The following RUFY1 variants were observed in gnomAD, a reference collection of about 807,000 sequenced individuals.
RUFY1 encodes the protein RUN and FYVE domain containing 1.
RUFY1 carries 54 observed loss-of-function variants against 94.6 expected under a neutral mutation model. The ratio of observed to expected loss-of-function variants is 0.57; its 90% confidence interval spans 0.46 to 0.72. The LOEUF (loss-of-function observed/expected upper bound fraction) is 0.72. Among genes scored for constraint, RUFY1 ranks in the 30% least tolerant of loss-of-function variants. The pLI is 0.00. For missense variants in RUFY1, 883 were observed against 883.9 expected (o/e 1.00, Z 0.01); for synonymous variants, 396 against 347.3 (o/e 1.14, Z -1.56).
chr5:179,559,822 G>T, intron 1 of RUFY1: 2 of 1,334,990 alleles, frequency 1.5e-6, no homozygotes, highest in Non-Finnish European at 1.9e-6. Flanking sequence ...CTGACCCAAG[G>T]CCCCGCCGTC....
chr5:179,599,138 C>T (rs777787559), intron 14 of RUFY1: 23 of 280,754 alleles, frequency 8.2e-5, no homozygotes, highest in African/African-American at 1.3e-4. Flanking sequence ...CCCTGCAAAG[C>T]ACCTCTTGGG....
intron 8 of RUFY1, among the ~76,000 whole-genome samples, chr5:179,587,234 T>C (rs1764677840): frequency 2.0e-5 from 3 of 152,028 alleles, no homozygotes; most frequent in Admixed American, 6.6e-5. Context: ...TTTAACTCTT[T>C]GTAGAGACGG....
At chr5:179,570,709 G>T (rs935218046) in intron 5 of RUFY1, among the ~76,000 whole-genome samples, 1 of 151,834 alleles carries the variant, frequency 6.6e-6, no homozygotes. Context: ...CCTGCATTGT[G>T]TTTGGTGAAT....
intron 1 of RUFY1, among the ~76,000 whole-genome samples, chr5:179,558,691 C>T (rs1049833975): frequency 4.6e-5 from 7 of 152,148 alleles, no homozygotes; most frequent in African/African-American, 1.4e-4. Flanking sequence ...AGCTCTCCCC[C>T]TACCTTCTTG....
intron 8 of RUFY1, among the ~76,000 whole-genome samples, chr5:179,588,489 C>T (rs1014665050): frequency 1.1e-4 from 16 of 152,138 alleles, no homozygotes; most frequent in African/African-American, 3.6e-4. Context: ...TATGCTTTTC[C>T]CTCAGCCATG....
chr5:179,577,417 G>C (rs976711870), intron 6 of RUFY1, among the ~76,000 whole-genome samples: 16 of 151,180 alleles, frequency 1.1e-4, no homozygotes, highest in Non-Finnish European at 1.9e-4. Context: ...GGCCCGTCTC[G>C]GCCTCCCAAA....
intron 4 of RUFY1, 28 bp downstream of exon 4, chr5:179,567,590 T>C: frequency 6.6e-7 from 1 of 1,510,138 alleles, no homozygotes; most frequent in East Asian, 2.3e-5. Flanking sequence ...TTTGCTTATC[T>C]TTTGCTTGGT....
At chr5:179,599,462 G>C (rs1766083376) in intron 14 of RUFY1, 1 of 152,542 alleles carries the variant, frequency 6.6e-6, no homozygotes, top group South Asian at 2.1e-4. Flanking sequence ...ACCGACCCCA[G>C]CCCTCCACTT....
chr5:179,580,241 G>GTGTGTGTGTGTGTATATATATATATA (rs149099074), intron 6 of RUFY1, among the ~76,000 whole-genome samples: 1 of 93,852 alleles, frequency 1.1e-5, no homozygotes, highest in Admixed American at 1.1e-4. Flanking sequence ...GTGTGTGTGT[G>GTGTGTGTGTGTGTATATATATATATA]TATATTTTTT....
At chr5:179,605,835 T>A (rs754802679) in intron 15 of RUFY1, 41 bp from the exon 16 acceptor site, 3 of 1,365,876 alleles carry the variant, frequency 2.2e-6, no homozygotes, top group South Asian at 2.3e-5. Context: ...AGAGCCTCAC[T>A]CTCTCTCACT....
In RUFY1 at chr5:179,596,877, C is replaced by T. The variant is rs140779694; in HGVS notation, c.1631+196C>T. 621 of 642,636 alleles carry T rather than the reference C, an allele frequency of 9.7e-4. 4 individuals are homozygous for T. The African/African-American group carries it at 0.011, about 11-fold the overall frequency. 39.8% of individuals were successfully genotyped at this position (642,636 alleles called of 1,614,324 possible). A position where few individuals can be genotyped will look rare whatever the true frequency, so the allele number is the denominator to read the frequency against. On this transcript the variant is annotated intron_variant, in intron 13 of 17. Transcript: ENST00000319449. Reference sequence around the variant, plus strand: ...AGCTCCCTCCCCACAGGGCTCCTCACGTGGTCCAGCTCGCCTCCAGAAGAT... The same window carrying T: ...AGCTCCCTCCCCACAGGGCTCCTCATGTGGTCCAGCTCGCCTCCAGAAGAT...
intron 12 of RUFY1, 92 bp from the exon 13 acceptor site, chr5:179,596,470 T>G: frequency 2.0e-6 from 3 of 1,471,536 alleles, no homozygotes; most frequent in Admixed American, 1.7e-5. Context: ...TTTTACTGTA[T>G]GGTAATTTTA....
At chr5:179,573,138 T>A (rs1561999084) in intron 5 of RUFY1, among the ~76,000 whole-genome samples, 3 of 152,236 alleles carry the variant, frequency 2.0e-5, no homozygotes, top group African/African-American at 7.2e-5. Flanking sequence ...AGTGACACAT[T>A]CTTTTAATGA....
chr5:179,591,703 G>C lies in RUFY1; in HGVS notation c.1207G>C (p.Val403Leu), dbSNP rs780319201. ...RQGLDEMYSD[V>L]WKQLKEEKKV... ...AGGTCTGGATGAAATGTACAGTGAT[G>C]TGTGGAAGCAGCTAAAAGAGGAGAA... is the stretch of plus-strand genomic sequence containing the variant. The change falls in exon 10 of 18, where the codon GTG (valine) becomes CTG (leucine). Residue 403 changes from valine (V) to leucine (L), a missense_variant. By Grantham distance (32) the Val-to-Leu change is conservative. Coordinates refer to ENST00000319449, the MANE Select transcript of RUFY1 (RefSeq NM_025158.5). The C allele has an allele frequency of 5.0e-6, 8 of 1,611,394 alleles. No homozygotes were observed. In the African/African-American group the frequency reaches 9.4e-5, roughly 19 times the overall value.
intron 3 of RUFY1, among the ~76,000 whole-genome samples, chr5:179,563,295 A>G (rs949533018): frequency 1.3e-5 from 2 of 152,162 alleles, no homozygotes; most frequent in Non-Finnish European, 2.9e-5. Flanking sequence ...GATAATAATA[A>G]TAATAGCCAC....
chr5:179,608,237 C>T, intron 17 of RUFY1: 1 of 962,044 alleles, frequency 1.0e-6, no homozygotes, highest in Middle Eastern at 5.3e-4. Flanking sequence ...ACTGCCAGCG[C>T]CACCCACCTT....
rs1005404299 is a variant in RUFY1, at chr5:179,555,309, G to T, written c.310+4430G>T. The stretch of plus-strand genomic sequence containing the variant: ...GGCAATTTATTTGGCAATTCAGTAG[G>T]TGTAGAACTTCACGATATTCTCTGT... On this transcript the variant is annotated intron_variant, in intron 1 of 17. Transcript: ENST00000319449. Among the ~76,000 whole-genome samples the T allele has an allele frequency of 2.6e-5, 4 of 152,148 alleles. No individual in the cohort carries two copies. In the East Asian group the frequency reaches 7.7e-4, roughly 29 times the overall value.
Position 179,605,901 on chromosome 5 carries a change from AAAG to A in RUFY1, c.1886_1888del (p.Glu629del). 1 of 1,610,432 alleles carries A rather than the reference AAAG, an allele frequency of 6.2e-7. No homozygotes were observed. The highest frequency in any genetic ancestry group is 8.5e-7 in the Non-Finnish European group (1 of 1,178,548). On this transcript the variant is annotated inframe_deletion, in exon 16 of 18. Coordinates refer to ENST00000319449, the MANE Select transcript of RUFY1 (RefSeq NM_025158.5). ...GTCCAAGCTGAAGATGGAAGATATA[AAAG>A]AAGTGAACCAGGCACTGAAGGTACT...
chr5:179,572,418 A>G, intron 5 of RUFY1: 1 of 191,596 alleles, frequency 5.2e-6, no homozygotes, highest in South Asian at 7.1e-5. Flanking sequence ...TGGATCAACA[A>G]CCCCCAGAAG....
Sources: gnomAD v4.1 joint callset for allele counts (sites outside exome capture counted in the v4.1 genomes callset) on GRCh38, gnomAD v4.1.1 for gene constraint, MANE v1.5 for transcripts, NCBI Gene and HGNC (gene_info 2026-07-23, HGNC 2026-07-21) for gene names.